ARHGEF3: variants seen among roughly 807,000 people sequenced by gnomAD.
ARHGEF3 encodes the protein 59.8 kDA protein.
Under a neutral mutation model 63.2 loss-of-function variants are expected in ARHGEF3, and 28 were observed. The observed-to-expected ratio is 0.44, with a 90% confidence interval of 0.33 to 0.61. The LOEUF (loss-of-function observed/expected upper bound fraction) is 0.61, where lower values mean the gene tolerates loss of function less well. Among genes scored for constraint, ARHGEF3 ranks in the 20% least tolerant of loss-of-function variants. ARHGEF3 has a pLI of 0.03. For missense variants in ARHGEF3, 533 were observed against 659.3 expected, an observed-to-expected ratio of 0.81 and a Z score of 2.10; for synonymous variants, 266 against 254.2, an observed-to-expected ratio of 1.05 and a Z score of -0.44.
At chr3:56,904,153 C>A (rs995960715) in intron 3 of ARHGEF3, among the ~76,000 whole-genome samples, 1 of 152,162 alleles carries the variant, frequency 6.6e-6, no homozygotes, top group African/African-American at 2.4e-5. Context: ...CCTCAGCCTC[C>A]CAAGTAGCTG....
chr3:57,005,140 C>T (rs1702420317), intron 2 of ARHGEF3, among the ~76,000 whole-genome samples: 2 of 152,232 alleles, frequency 1.3e-5, no homozygotes, highest in East Asian at 3.9e-4. Flanking sequence ...CTACTAGGCA[C>T]CTCCTAGGTG....
chr3:56,845,538 T>C (rs2039460541), intron 4 of ARHGEF3, among the ~76,000 whole-genome samples: 1 of 152,202 alleles, frequency 6.6e-6, no homozygotes, highest in African/African-American at 2.4e-5. Flanking sequence ...TGCTATATTT[T>C]GTGTTTCTTT....
chr3:56,899,171 G>T (rs913979521), intron 3 of ARHGEF3, among the ~76,000 whole-genome samples: 1 of 152,222 alleles, frequency 6.6e-6, no homozygotes, highest in African/African-American at 2.4e-5. Context: ...TCCTCAGGAT[G>T]TTAGCTTCCC....
intron 1 of ARHGEF3, chr3:57,078,409 C>T (rs1706312049): frequency 6.6e-6 from 1 of 152,280 alleles, no homozygotes; most frequent in African/African-American, 2.4e-5. Flanking sequence ...CCTCTAAGAA[C>T]AAGGCGCTCT....
At chr3:56,758,040 G>A (rs1406219956) in intron 2 of ARHGEF3, among the ~76,000 whole-genome samples, 1 of 150,972 alleles carries the variant, frequency 6.6e-6, no homozygotes, top group African/African-American at 2.4e-5. Flanking sequence ...CACTTTGGGA[G>A]GCTGAGGCGG....
At chr3:56,775,041 G>C in intron 1 of ARHGEF3, 2 of 1,551,216 alleles carry the variant, frequency 1.3e-6, no homozygotes, top group Non-Finnish European at 1.7e-6. Context: ...GTAGATGCTA[G>C]ACAGCACATG....
intron 3 of ARHGEF3, among the ~76,000 whole-genome samples, chr3:56,957,491 A>G (rs1418044876): frequency 1.3e-5 from 2 of 152,246 alleles, no homozygotes; most frequent in East Asian, 3.9e-4. Flanking sequence ...AAATTAATTA[A>G]GCATACATGT....
At chr3:57,052,000 C>T (rs938188024) in intron 1 of ARHGEF3, among the ~76,000 whole-genome samples, 4 of 152,050 alleles carry the variant, frequency 2.6e-5, no homozygotes, top group African/African-American at 9.7e-5. Context: ...GCCACTACCA[C>T]CACCATCTAC....
intron 4 of ARHGEF3, among the ~76,000 whole-genome samples, chr3:56,821,973 G>GAGAAGAGAAGAGAAGAGAAA (rs2038515023): frequency 3.7e-5 from 1 of 26,890 alleles, no homozygotes; most frequent in South Asian, 1.4e-3. Flanking sequence ...GAGAAGAGAA[G>GAGAAGAGAAGAGAAGAGAAA]AGAAGAGAAG....
intron 1 of ARHGEF3, among the ~76,000 whole-genome samples, chr3:57,048,512 A>G (rs1369645043): frequency 6.6e-6 from 1 of 152,070 alleles, no homozygotes; most frequent in Non-Finnish European, 1.5e-5. Flanking sequence ...TTTGGTTATA[A>G]TCATTCTTCT....
At chr3:56,945,298 G>GT (rs1267613607) in intron 3 of ARHGEF3, among the ~76,000 whole-genome samples, 2 of 152,118 alleles carry the variant, frequency 1.3e-5, no homozygotes, top group Non-Finnish European at 2.9e-5. Flanking sequence ...TTCACCGAGC[G>GT]TGAGCCGAAG....
chr3:56,997,058 CCTCAA>C (rs1273619788), intron 2 of ARHGEF3, among the ~76,000 whole-genome samples: 2 of 151,868 alleles, frequency 1.3e-5, no homozygotes, highest in Admixed American at 6.6e-5. Flanking sequence ...CTCACCTACC[CCTCAA>C]CTCATTTCCT....
chr3:56,776,999 T>G (rs974691099), intron 1 of ARHGEF3, among the ~76,000 whole-genome samples: 1 of 152,260 alleles, frequency 6.6e-6, no homozygotes, highest in Admixed American at 6.5e-5. Context: ...TTTCATCTTT[T>G]CCAGGCCTTA....
At chr3:56,842,021 T>C (rs900597089) in intron 4 of ARHGEF3, among the ~76,000 whole-genome samples, 3 of 152,204 alleles carry the variant, frequency 2.0e-5, no homozygotes, top group Non-Finnish European at 4.4e-5. Context: ...CTTAAGTAAT[T>C]CTGAAAAATG....
chr3:56,880,197 C>T (rs573190083), intron 4 of ARHGEF3, among the ~76,000 whole-genome samples: 6 of 152,182 alleles, frequency 3.9e-5, no homozygotes, highest in South Asian at 2.1e-4. Context: ...ATGAGTCTGT[C>T]CAAAGCTGAG....
chr3:57,074,083 T>C (rs748570721), intron 1 of ARHGEF3: 1 of 1,614,094 alleles, frequency 6.2e-7, no homozygotes, highest in Non-Finnish European at 8.5e-7. Context: ...CCTCAATTTC[T>C]TGGTATGGAA....
chr3:56,795,655 C>CTCTTTTTTTTTTTTTTTTTT (rs57400467), intron 1 of ARHGEF3, among the ~76,000 whole-genome samples: 1 of 130,544 alleles, frequency 7.7e-6, no homozygotes, highest in Non-Finnish European at 1.6e-5. Flanking sequence ...GTCTCTCTCT[C>CTCTTTTTTTTTTTTTTTTTT]TTTTTTTTTT....
At chr3:57,053,633 G>T (rs989403723) in intron 1 of ARHGEF3, among the ~76,000 whole-genome samples, 3 of 152,162 alleles carry the variant, frequency 2.0e-5, no homozygotes. Context: ...CTGTCTCCTA[G>T]AAAGAAGGCT....
chr3:56,968,311 T>TAG, intron 2 of ARHGEF3, among the ~76,000 whole-genome samples: 1 of 51,182 alleles, frequency 2.0e-5, no homozygotes, highest in Admixed American at 3.8e-4. Flanking sequence ...ATAATATATA[T>TAG]AAAATATATT....
Sources: gnomAD v4.1 joint callset for allele counts (sites outside exome capture counted in the v4.1 genomes callset) on GRCh38, gnomAD v4.1.1 for gene constraint, MANE v1.5 for transcripts, NCBI Gene and HGNC (gene_info 2026-07-23, HGNC 2026-07-21) for gene names.